CELF2: variants seen among roughly 807,000 people sequenced by gnomAD.
CELF2 encodes the protein CUG triplet repeat RNA-binding protein 2.
Under a neutral mutation model 62.6 loss-of-function variants are expected in CELF2, and 8 were observed. The observed-to-expected ratio is 0.13, with a 90% CI of 0.07 to 0.23. CELF2 has a LOEUF of 0.23. Among genes scored for constraint, CELF2 ranks in the 10% least tolerant of loss-of-function variants. The probability of loss-of-function intolerance (pLI) is 1.00; values close to 1 mark genes in which losing one functional copy is unlikely to be tolerated. For missense variants in CELF2, 333 were observed against 671.0 expected, an observed-to-expected ratio of 0.50 and a Z score of 5.56; for synonymous variants, 258 against 250.0, an observed-to-expected ratio of 1.03 and a Z score of -0.30.
intron 1 of CELF2, among the ~76,000 whole-genome samples, chr10:11,114,651 G>T (rs374189522): frequency 4.6e-5 from 7 of 152,142 alleles, no homozygotes; most frequent in Non-Finnish European, 8.8e-5. Context: ...AGAATGAAAG[G>T]GTTCTAATAA....
At chr10:10,482,089 C>T in the CELF2 span, among the ~76,000 whole-genome samples, 1 of 152,162 alleles carries the variant, frequency 6.6e-6, no homozygotes, top group African/African-American at 2.4e-5. Flanking sequence ...TTTGCACATA[C>T]ACTCTGCGTC....
At chr10:10,629,691 G>C in the CELF2 span, among the ~76,000 whole-genome samples, 135 of 152,088 alleles carry the variant, frequency 8.9e-4, 1 homozygote, top group Non-Finnish European at 1.4e-3. Flanking sequence ...AAAGATAGCA[G>C]AACTCTTCCA....
chr10:10,581,303 T>A, the CELF2 span, among the ~76,000 whole-genome samples: 2 of 152,200 alleles, frequency 1.3e-5, no homozygotes, highest in Admixed American at 1.3e-4. Flanking sequence ...AATAGCTGAT[T>A]GTTTGAGTCA....
intron 1 of CELF2, among the ~76,000 whole-genome samples, chr10:10,893,417 T>C (rs1009909922): frequency 2.6e-5 from 4 of 151,594 alleles, no homozygotes; most frequent in Non-Finnish European, 5.9e-5. Flanking sequence ...AACCCAGGAG[T>C]CAGGCAGGAG....
chr10:11,287,942 G>A (rs200808822), intron 8 of CELF2, among the ~76,000 whole-genome samples: 5 of 152,170 alleles, frequency 3.3e-5, no homozygotes, highest in South Asian at 2.1e-4. Flanking sequence ...GAAATACCTC[G>A]TTTTGAGGGA....
At chr10:10,735,734 C>T in the CELF2 span, among the ~76,000 whole-genome samples, 2 of 152,128 alleles carry the variant, frequency 1.3e-5, no homozygotes, top group South Asian at 4.1e-4. Flanking sequence ...GTTTGCATGG[C>T]TATGGTGATA....
chr10:10,750,452 T>C, the CELF2 span, among the ~76,000 whole-genome samples: 4 of 152,212 alleles, frequency 2.6e-5, no homozygotes, highest in Non-Finnish European at 4.4e-5. Flanking sequence ...AGTGAAATTG[T>C]TATGGTTAAC....
At chr10:11,320,628 G>A (rs780279606) in intron 10 of CELF2, among the ~76,000 whole-genome samples, 11 of 152,094 alleles carry the variant, frequency 7.2e-5, no homozygotes, top group Non-Finnish European at 1.3e-4. Context: ...TTCCCACACT[G>A]TAACTCCTCA....
At position 11,086,578 on chromosome 10, in the gene CELF2, T is replaced by TAAAAAAAAAAAAAAAAA. The variant is rs1168932032; in HGVS notation, c.74+68431_74+68447dup. Among the ~76,000 whole-genome samples the TAAAAAAAAAAAAAAAAA allele has an allele frequency of 2.2e-4, 16 of 71,982 alleles. 1 individual carries two copies. The highest frequency in any genetic ancestry group is 8.8e-4 in the African/African-American group (16 of 18,238). 47.2% of individuals were successfully genotyped at this position (71,982 alleles called of 152,430 possible). A position where few individuals can be genotyped will look rare whatever the true frequency, so the allele number is the denominator to read the frequency against. ...AATCCATGTCTCCATTTGCATTTGT[T>TAAAAAAAAAAAAAAAAA]AAAAAAAAAAAAAAAAAAAAAAAAA... is the stretch of plus-strand genomic sequence containing the variant. On this transcript the variant is annotated intron_variant, in intron 1 of 12. Transcript: ENST00000633077.
rs906665108 is a variant in CELF2, at chr10:11,318,956, C to T, written c.1097-2233C>T. The T allele has an allele frequency of 4.2e-6, 2 of 471,142 alleles. No individual in the cohort carries two copies. Among genetic ancestry groups the T allele is most frequent in the Admixed American group, 2.3e-5 (1 of 42,588 alleles). The allele number at this position is 471,142 out of a possible 1,614,324, so 29.2% of individuals were successfully genotyped here. A position where few individuals can be genotyped will look rare whatever the true frequency, so the allele number is the denominator to read the frequency against. ...AAGGCATCATGGTGGTGCGATGCTG[C>T]CCACCCCTCCATGGGAACTTGGAGG... On this transcript the variant is annotated intron_variant, in intron 10 of 12. Transcript: ENST00000633077. The surrounding 1 kb of genome is among the most constrained non-coding windows in gnomAD (Gnocchi z 5.4).
At chr10:10,652,597 C>A in the CELF2 span, among the ~76,000 whole-genome samples, 1 of 149,868 alleles carries the variant, frequency 6.7e-6, no homozygotes, top group African/African-American at 2.5e-5. Context: ...AATTTTCAAC[C>A]CAGAATTTCA....
chr10:11,026,450 G>A lies in CELF2; in HGVS notation c.74+8287G>A, dbSNP rs139637459. 5.3e-5 allele frequency among the ~76,000 whole-genome samples: 8 copies of A among 152,258 alleles called. No individual in the cohort carries two copies. The East Asian group carries it at 1.5e-3, about 29-fold the overall frequency. ...AGACATTGGGTATCAAGTAAAACAG[G>A]GTTGAAATCATTTGGTCCTTGAAAA... On this transcript the variant is annotated intron_variant, in intron 1 of 12. Coordinates refer to ENST00000633077, the MANE Select transcript of CELF2 (RefSeq NM_001326342.2).
At chr10:11,301,967 GCTGGAACCGCCTGCCC>G (rs1488874251) in intron 9 of CELF2, among the ~76,000 whole-genome samples, 1 of 152,136 alleles carries the variant, frequency 6.6e-6, no homozygotes, top group Admixed American at 6.5e-5. Context: ...CTCCGCCTTC[GCTGGAACCGCCTGCCC>G]CTCCTCCGCT....
At chr10:11,133,985 C>T (rs2060009975) in intron 1 of CELF2, among the ~76,000 whole-genome samples, 2 of 152,190 alleles carry the variant, frequency 1.3e-5, no homozygotes, top group Admixed American at 6.5e-5. Flanking sequence ...TCGTTTGTCA[C>T]AAATAGGTTC....
chr10:11,314,475 T>A lies in CELF2; in HGVS notation c.1096+217T>A. On this transcript the variant is annotated intron_variant, in intron 10 of 12. Transcript: ENST00000633077. This position sits in a 1 kb window ranked among gnomAD's most constrained non-coding sequence, Gnocchi z 5.3. ...CTCTCCACCCCCAGATTCTCTTCAG[T>A]GTGTAGCACAGCGCGTGTGCTCATC... is the stretch of plus-strand genomic sequence containing the variant. 2 of 636,510 alleles carry A rather than the reference T, an allele frequency of 3.1e-6. No homozygotes were observed. The highest frequency in any genetic ancestry group is 5.7e-6 in the Non-Finnish European group (2 of 349,746). 39.4% of individuals were successfully genotyped at this position (636,510 alleles called of 1,614,324 possible).
At chr10:11,012,995 C>T (rs938743813), upstream of CELF2, among the ~76,000 whole-genome samples, 1 of 152,112 alleles carries the variant, frequency 6.6e-6, no homozygotes, top group Non-Finnish European at 1.5e-5. This position sits in a 1 kb window ranked among gnomAD's most constrained non-coding sequence, Gnocchi z 5.5. Context: ...CTATTGACTC[C>T]CTTCATAGTG....
the CELF2 span, among the ~76,000 whole-genome samples, chr10:10,721,236 G>C: frequency 6.6e-6 from 1 of 152,202 alleles, no homozygotes; most frequent in African/African-American, 2.4e-5. Flanking sequence ...TTTGGGCAGA[G>C]GTTTTGAAGT....
At chr10:10,505,304 A>T in the CELF2 span, among the ~76,000 whole-genome samples, 8 of 151,880 alleles carry the variant, frequency 5.3e-5, no homozygotes, top group African/African-American at 1.9e-4. Flanking sequence ...AAGTTGGGGG[A>T]GGGCTCCTTT....
chr10:10,565,279 G>A, the CELF2 span, among the ~76,000 whole-genome samples: 2 of 152,210 alleles, frequency 1.3e-5, no homozygotes, highest in Non-Finnish European at 2.9e-5. Context: ...AAAATGTTAA[G>A]AGCAATGTTG....
Sources: gnomAD v4.1 joint callset for allele counts (sites outside exome capture counted in the v4.1 genomes callset) on GRCh38, gnomAD v4.1.1 for gene constraint, Gnocchi (gnomAD v3.1) non-coding constraint, MANE v1.5 for transcripts, NCBI Gene and HGNC (gene_info 2026-07-23, HGNC 2026-07-21) for gene names.